The following HDAC11 variants were observed in gnomAD, a reference collection of about 807,000 sequenced individuals.
The protein encoded by HDAC11 is histone deacetylase 11.
Under a neutral mutation model 41.1 loss-of-function variants are expected in HDAC11, and 23 were observed. The ratio of observed to expected loss-of-function variants is 0.56; its 90% CI spans 0.40 to 0.79. The LOEUF (loss-of-function observed/expected upper bound fraction) is 0.79. Among genes scored for constraint, HDAC11 ranks in the 30% least tolerant of loss-of-function variants. HDAC11 has a pLI of 0.00. For missense variants in HDAC11, 402 were observed against 477.3 expected (o/e 0.84, Z 1.47); for synonymous variants, 187 against 186.6 (o/e 1.00, Z -0.02).
rs116835994 is a variant in HDAC11, at chr3:13,495,895, C to T, written c.253-841C>T. The stretch of plus-strand genomic sequence containing the variant: ...CAGTTCTCCTCTTCATCACCACACT[C>T]ATCACACTGCAAATAAGTGTCTGCA... On this transcript the variant is annotated intron_variant, in intron 3 of 9. Coordinates refer to ENST00000295757, the MANE Select transcript of HDAC11 (RefSeq NM_024827.4). 3.4e-3 allele frequency among the ~76,000 whole-genome samples: 518 copies of T among 152,382 alleles called. 2 individuals carry two copies. The highest frequency in any genetic ancestry group is 0.011 in the African/African-American group (448 of 41,592).
Position 13,481,310 on chromosome 3 carries a change from C to T in HDAC11, c.67C>T (p.Arg23Cys). 1.2e-6 allele frequency: 2 copies of T among 1,613,598 alleles called. No homozygotes were observed. The highest frequency in any genetic ancestry group is 8.5e-7 in the Non-Finnish European group (1 of 1,180,024). The change falls in exon 2 of 10, where the codon CGC (arginine) becomes TGC (cysteine). Residue 23 changes from arginine to cysteine, a missense_variant. Physicochemically the swap from Arg to Cys is radical, Grantham distance 180. Transcript: ENST00000295757. Reference protein sequence around the residue: ...ETRWPIVYSPRYNITFMGLEK... With the variant: ...ETRWPIVYSPCYNITFMGLEK... Reference sequence around the variant, plus strand: ...ACGCTGGCCAATCGTGTACTCGCCGCGCTACAACATCACCTTCATGGGCCT... The same window carrying T: ...ACGCTGGCCAATCGTGTACTCGCCGTGCTACAACATCACCTTCATGGGCCT...
chr3:13,480,464 C>A lies in HDAC11; in HGVS notation c.2+115C>A. On this transcript the variant is annotated intron_variant, in intron 1 of 9. Transcript: ENST00000295757. This position sits in a 1 kb window ranked among gnomAD's most constrained non-coding sequence, Gnocchi z 4.6. ...CGCGCCAGGTAAGGGCCCAGATTTG[C>A]TGGTGAGGGGTGAGGGACGCTCGGG... 1 of 585,910 alleles carries A rather than the reference C, an allele frequency of 1.7e-6. No homozygotes were observed. Among genetic ancestry groups the A allele is most frequent in the Non-Finnish European group, 2.4e-6 (1 of 414,852 alleles). The allele number at this position is 585,910 out of a possible 1,614,324, so 36.3% of individuals were successfully genotyped here.
intron 3 of HDAC11, among the ~76,000 whole-genome samples, chr3:13,495,798 G>T (rs1192352171): frequency 6.6e-6 from 1 of 152,092 alleles, no homozygotes; most frequent in Non-Finnish European, 1.5e-5. Context: ...TCTGCATCTG[G>T]ATAACTCCTA....
rs1383250666 is a variant in HDAC11 at position 13,480,868 on chromosome 3, A to T, written c.3-378A>T. The T allele has an allele frequency of 5.2e-6, 2 of 386,778 alleles. No individual in the cohort carries two copies. The highest frequency in any genetic ancestry group is 1.1e-5 in the Non-Finnish European group (2 of 186,126). 24.0% of individuals were successfully genotyped at this position (386,778 alleles called of 1,614,324 possible). On this transcript the variant is annotated intron_variant, in intron 1 of 9. Transcript: ENST00000295757. The surrounding 1 kb of genome is among the most constrained non-coding windows in gnomAD (Gnocchi z 4.6). ...ACAACAGCCACACATTTTGCAGCCG[A>T]AGCCTTGTGCCACACAGCTGTGGGG... is the stretch of plus-strand genomic sequence containing the variant.
At chr3:13,490,751 T>C (rs1334409874) in intron 3 of HDAC11, among the ~76,000 whole-genome samples, 13 of 133,198 alleles carry the variant, frequency 9.8e-5, no homozygotes, top group East Asian at 2.1e-4. Context: ...TTTCTTTTTT[T>C]TTTTTTTTTT....
intron 3 of HDAC11, among the ~76,000 whole-genome samples, chr3:13,488,650 A>T (rs531521534): frequency 1.0e-3 from 154 of 152,096 alleles, no homozygotes; most frequent in African/African-American, 3.0e-3. Flanking sequence ...AAAACACTAC[A>T]TTTTTTTTAT....
chr3:13,481,706 C>T (rs527891996), intron 2 of HDAC11, among the ~76,000 whole-genome samples: 33 of 152,254 alleles, frequency 2.2e-4, no homozygotes, highest in East Asian at 7.7e-4. Context: ...GAGTCCATTT[C>T]CTAAGGTTCA....
chr3:13,480,715 A>G lies in HDAC11; in HGVS notation c.2+366A>G. The G allele has an allele frequency of 2.1e-6, 1 of 481,652 alleles. No individual in the cohort carries two copies. The highest frequency in any genetic ancestry group is 4.2e-6 in the Non-Finnish European group (1 of 236,134). The allele number at this position is 481,652 out of a possible 1,614,324, so 29.8% of individuals were successfully genotyped here. ...TCTGGGTGACGACTGCCAGGGTGTGATGGGAAGGGTTAGCAGCGCAGCGGG... is the reference window on the plus strand; with the variant it reads ...TCTGGGTGACGACTGCCAGGGTGTGGTGGGAAGGGTTAGCAGCGCAGCGGG... On this transcript the variant is annotated intron_variant, in intron 1 of 9. Transcript: ENST00000295757. The surrounding 1 kb of genome is among the most constrained non-coding windows in gnomAD (Gnocchi z 4.6).
chr3:13,494,897 G>A (rs576566775), intron 3 of HDAC11, among the ~76,000 whole-genome samples: 1 of 152,222 alleles, frequency 6.6e-6, no homozygotes. Flanking sequence ...CTTTTGTCCG[G>A]CCCTGAGTGG....
rs1344027715 is a variant in HDAC11 at position 13,480,750 on chromosome 3, T to TCCCCGCC, written c.2+410_2+416dup. On this transcript the variant is annotated intron_variant, in intron 1 of 9. Coordinates refer to ENST00000295757, the MANE Select transcript of HDAC11 (RefSeq NM_024827.4). The surrounding 1 kb of genome is among the most constrained non-coding windows in gnomAD (Gnocchi z 4.6). ...TTAGCAGCGCAGCGGGGTCAGGGGATCCCCGCCCCCCGCCCTGGCTCAGGT... is the reference window on the plus strand; with the variant it reads ...TTAGCAGCGCAGCGGGGTCAGGGGATCCCCGCCCCCCGCCCCCCGCCCTGGCTCAGGT... The TCCCCGCC allele has an allele frequency of 2.1e-6, 1 of 474,710 alleles. No homozygotes were observed. Among genetic ancestry groups the TCCCCGCC allele is most frequent in the African/African-American group, 2.0e-5 (1 of 50,366 alleles). The allele number at this position is 474,710 out of a possible 1,614,324, so 29.4% of individuals were successfully genotyped here.
intron 3 of HDAC11, 104 bp downstream of exon 3, chr3:13,483,668 A>C (rs1160761191): frequency 4.9e-6 from 4 of 809,812 alleles, no homozygotes; most frequent in South Asian, 1.4e-5. Flanking sequence ...GCCAAGTCTC[A>C]CAGGGCACCC....
At chr3:13,497,189 T>C (rs78175638) in intron 4 of HDAC11, among the ~76,000 whole-genome samples, 6,548 of 152,080 alleles carry the variant, frequency 0.043, 192 homozygotes, top group South Asian at 0.1. Flanking sequence ...TTCTTTCTTT[T>C]TTTTTTTTGA....
intron 3 of HDAC11, 188 bp from the exon 4 acceptor site, chr3:13,496,548 A>G: frequency 3.7e-6 from 2 of 546,444 alleles, no homozygotes; most frequent in Non-Finnish European, 6.5e-6. Context: ...CTGAGCCCAG[A>G]GCTTGCCAGG....
chr3:13,483,715 G>A, intron 3 of HDAC11, 151 bp downstream of exon 3: 1 of 639,772 alleles, frequency 1.6e-6, no homozygotes, highest in East Asian at 2.7e-5. Flanking sequence ...ATGGGAGTCT[G>A]TGGTCCCCAA....
In HDAC11 at chr3:13,485,747, TG is replaced by T. The variant is rs553828098; in HGVS notation, c.252+2184del. ...CTGTAGTGAGCTATGATTGCACCAC[TG>T]CACTCCAGCTGGTATGACAGAGTGA... On this transcript the variant is annotated intron_variant, in intron 3 of 9. Transcript: ENST00000295757. 1.2e-4 allele frequency among the ~76,000 whole-genome samples: 19 copies of T among 152,282 alleles called. 1 individual carries two copies. The South Asian group carries it at 3.7e-3, about 30-fold the overall frequency.
rs575143759 is a variant in HDAC11 at position 13,499,256 on chromosome 3, G to A, written c.412+701G>A. On this transcript the variant is annotated intron_variant, in intron 5 of 9. Coordinates refer to ENST00000295757, the MANE Select transcript of HDAC11 (RefSeq NM_024827.4). ...GCGATCTCGGCTCACCGCAACCTCC[G>A]CCTCCCAGGTTCAAACAATTCTCCT... Among the ~76,000 whole-genome samples, 50 of 152,160 alleles carry A rather than the reference G, an allele frequency of 3.3e-4. No individual in the cohort carries two copies. The East Asian group carries it at 9.5e-3, about 29-fold the overall frequency.
At position 13,500,694 on chromosome 3, in the gene HDAC11, G is replaced by A. The variant is rs754725710; in HGVS notation, c.413-19G>A. 70 of 1,571,994 alleles carry A rather than the reference G, an allele frequency of 4.5e-5. No homozygotes were observed. The highest frequency in any genetic ancestry group is 5.8e-5 in the Non-Finnish European group (67 of 1,157,274). ...TGGGAGCCTGGCTCTGAGCAGCACC[G>A]CTCTCTGCCCTTCCGCAGGGGGTGG... On this transcript the variant is annotated intron_variant, in intron 5 of 9. Transcript: ENST00000295757.
In HDAC11 at chr3:13,483,346, C is replaced by G. The variant is rs958283552; in HGVS notation, c.152-118C>G. ...CAGAAGGCCCACAAGCCAGCAGTGCCTACCTACCCCTGGGGCAGGGGCTGC... is the reference window on the plus strand; with the variant it reads ...CAGAAGGCCCACAAGCCAGCAGTGCGTACCTACCCCTGGGGCAGGGGCTGC... On this transcript the variant is annotated intron_variant, in intron 2 of 9. Transcript: ENST00000295757. 30 of 793,540 alleles carry G rather than the reference C, an allele frequency of 3.8e-5. No homozygotes were observed. The African/African-American group carries it at 4.6e-4, about 12-fold the overall frequency. The allele number at this position is 793,540 out of a possible 1,614,324, so 49.2% of individuals were successfully genotyped here. A position where few individuals can be genotyped will look rare whatever the true frequency, so the allele number is the denominator to read the frequency against.
In HDAC11 at chr3:13,504,632, C is replaced by T. The variant is rs201442768; in HGVS notation, c.993C>T (p.Ser331=). The change falls in exon 10 of 10, where the codon AGC becomes AGT. Residue 331 remains serine, a synonymous_variant. Transcript: ENST00000295757. ...GLGLIGPESP[S]VSAQNSDTPL... The stretch of plus-strand genomic sequence containing the variant: ...GGCTCATTGGGCCTGAGTCACCCAG[C>T]GTCTCCGCACAGAACTCAGACACAC... The T allele has an allele frequency of 2.3e-5, 37 of 1,613,698 alleles. No homozygotes were observed. Among genetic ancestry groups the T allele is most frequent in the South Asian group, 2.0e-4 (18 of 91,090 alleles).
Sources: gnomAD v4.1 joint callset for allele counts (sites outside exome capture counted in the v4.1 genomes callset) on GRCh38, gnomAD v4.1.1 for gene constraint, Gnocchi (gnomAD v3.1) non-coding constraint, MANE v1.5 for transcripts, NCBI Gene and HGNC (gene_info 2026-07-23, HGNC 2026-07-21) for gene names.